Variants in CACNA1C observed in about 807,000 individuals in gnomAD.
CACNA1C encodes the protein calcium voltage-gated channel subunit alpha1 C.
A neutral mutation model predicts 229.0 loss-of-function variants in CACNA1C; 30 were observed. The observed-to-expected ratio is 0.13, with a 90% confidence interval of 0.10 to 0.18. The LOEUF is 0.18. CACNA1C is among the 10% of genes least tolerant of loss of function. CACNA1C has a pLI of 1.00. For missense variants in CACNA1C, 1,658 were observed against 2,845.0 expected, an observed-to-expected ratio of 0.58 and a Z score of 9.49; for synonymous variants, 1,114 against 1,132.5, an observed-to-expected ratio of 0.98 and a Z score of 0.33.
At chr12:2,148,468 C>G (rs2094927238) in intron 3 of CACNA1C, among the ~76,000 whole-genome samples, 1 of 151,288 alleles carries the variant, frequency 6.6e-6, no homozygotes, top group Non-Finnish European at 1.5e-5. Flanking sequence ...CATCTTCCCT[C>G]TAGCTGCCAT....
chr12:2,063,237 C>T (rs1444111354), intron 1 of CACNA1C, among the ~76,000 whole-genome samples: 1 of 151,704 alleles, frequency 6.6e-6, no homozygotes, highest in South Asian at 2.1e-4. Context: ...CTGCAACCTC[C>T]GACTCCCTGG....
chr12:2,687,633 G>A (rs1337790358), intron 45 of CACNA1C, among the ~76,000 whole-genome samples: 1 of 150,642 alleles, frequency 6.6e-6, no homozygotes, highest in Non-Finnish European at 1.5e-5. Flanking sequence ...TCCACCTCCC[G>A]GGTTCAAGTG....
At chr12:2,535,127 C>T (rs915603681) in intron 9 of CACNA1C, among the ~76,000 whole-genome samples, 1 of 152,230 alleles carries the variant, frequency 6.6e-6, no homozygotes, top group African/African-American at 2.4e-5. Flanking sequence ...CGGTGGCTCA[C>T]GCCTATCATC....
At chr12:2,294,725 G>C (rs569757735) in intron 3 of CACNA1C, among the ~76,000 whole-genome samples, 26 of 152,192 alleles carry the variant, frequency 1.7e-4, no homozygotes, top group African/African-American at 5.1e-4. Context: ...GTAACATGTC[G>C]CCTCAATATT....
chr12:1,994,694 T>C (rs1348394153), intron 1 of CACNA1C, among the ~76,000 whole-genome samples: 1 of 152,208 alleles, frequency 6.6e-6, no homozygotes, highest in African/African-American at 2.4e-5. Flanking sequence ...ATTTTTTAAA[T>C]GGGATTAAGT....
At chr12:2,686,883 C>T (rs538902629) in intron 45 of CACNA1C, among the ~76,000 whole-genome samples, 6 of 152,338 alleles carry the variant, frequency 3.9e-5, no homozygotes, top group South Asian at 4.1e-4. Flanking sequence ...TAAGGCCAGT[C>T]TATTAACCCC....
chr12:2,110,218 C>T (rs2081122157), intron 1 of CACNA1C, among the ~76,000 whole-genome samples: 1 of 152,238 alleles, frequency 6.6e-6, no homozygotes, highest in Admixed American at 6.5e-5. Context: ...GTGCTGGGGT[C>T]CTGCCCTCAT....
chr12:2,201,217 A>C (rs2097571513), intron 3 of CACNA1C, among the ~76,000 whole-genome samples: 1 of 152,160 alleles, frequency 6.6e-6, no homozygotes, highest in Non-Finnish European at 1.5e-5. Context: ...GACATTCCAA[A>C]AAATAAAGAA....
At chr12:2,241,108 G>T (rs1473140412) in intron 3 of CACNA1C, among the ~76,000 whole-genome samples, 2 of 152,054 alleles carry the variant, frequency 1.3e-5, no homozygotes, top group Non-Finnish European at 2.9e-5. Flanking sequence ...GCATTTCCTT[G>T]CGAGGCTCCT....
intron 5 of CACNA1C, among the ~76,000 whole-genome samples, chr12:2,469,821 A>G (rs1169391808): frequency 6.6e-6 from 1 of 152,240 alleles, no homozygotes; most frequent in African/African-American, 2.4e-5. Flanking sequence ...CCCAGAAATA[A>G]TGCCTTGATC....
intron 9 of CACNA1C, among the ~76,000 whole-genome samples, chr12:2,521,234 G>T (rs2099809254): frequency 6.6e-6 from 1 of 152,260 alleles, no homozygotes; most frequent in Non-Finnish European, 1.5e-5. Context: ...AGGAACAGAG[G>T]CTGTGTGGAG....
intron 1 of CACNA1C, among the ~76,000 whole-genome samples, chr12:2,095,670 A>G (rs1000784916): frequency 6.6e-6 from 1 of 152,194 alleles, no homozygotes; most frequent in Non-Finnish European, 1.5e-5. Flanking sequence ...GGCTCCAGAG[A>G]GTGTCAGAAA....
intron 34 of CACNA1C, among the ~76,000 whole-genome samples, chr12:2,658,859 TA>T (rs796138489): frequency 0.019 from 2,763 of 143,768 alleles, 59 homozygotes; most frequent in African/African-American, 0.058. Context: ...AAGCTAAAAT[TA>T]AAAAAAAAAA....
chr12:2,347,268 T>C (rs1180552673), intron 3 of CACNA1C, among the ~76,000 whole-genome samples: 1 of 152,200 alleles, frequency 6.6e-6, no homozygotes, highest in African/African-American at 2.4e-5. Flanking sequence ...CAGTGAGGAA[T>C]GAACTAAGTG....
intron 3 of CACNA1C, among the ~76,000 whole-genome samples, chr12:2,353,922 T>C (rs2097279600): frequency 6.6e-6 from 1 of 152,186 alleles, no homozygotes; most frequent in African/African-American, 2.4e-5. Context: ...TGTCCTGCCA[T>C]CAGCAGTGGG....
At chr12:2,115,918 C>T (rs989769735) in intron 2 of CACNA1C, among the ~76,000 whole-genome samples, 17 of 152,224 alleles carry the variant, frequency 1.1e-4, no homozygotes, top group African/African-American at 1.2e-4. Flanking sequence ...GGGTAACAGT[C>T]GTTAGTTACA....
intron 10 of CACNA1C, among the ~76,000 whole-genome samples, chr12:2,552,395 C>G (rs2041814094): frequency 6.6e-6 from 1 of 152,152 alleles, no homozygotes; most frequent in African/African-American, 2.4e-5. Flanking sequence ...CTAATTTGGA[C>G]TGGCAGGTTA....
At chr12:2,592,433 G>A (rs544982549) in intron 18 of CACNA1C, among the ~76,000 whole-genome samples, 1 of 152,358 alleles carries the variant, frequency 6.6e-6, no homozygotes, top group African/African-American at 2.4e-5. Flanking sequence ...CCAGGCGATT[G>A]GCTGGAGAGT....
chr12:2,408,403 G>A (rs1408405752), intron 3 of CACNA1C, among the ~76,000 whole-genome samples: 1 of 152,026 alleles, frequency 6.6e-6, no homozygotes, highest in African/African-American at 2.4e-5. Context: ...TTTATGTTAT[G>A]TATATTTTAC....
Sources: allele counts gnomAD v4.1 joint callset (sites outside exome capture counted in the v4.1 genomes callset), GRCh38; gene constraint gnomAD v4.1.1; transcripts MANE v1.5; gene names NCBI Gene and HGNC (gene_info 2026-07-23, HGNC 2026-07-21).